PCDH11X: variants seen among roughly 807,000 people sequenced by gnomAD.
The protein encoded by PCDH11X is protocadherin-11 X-linked.
In PCDH11X, 18 loss-of-function variants were observed where a neutral mutation model predicts 53.3. The observed-to-expected ratio is 0.34, with a 90% confidence interval of 0.23 to 0.50. PCDH11X has a LOEUF of 0.50. Ranked by LOEUF, PCDH11X falls within the 20% of genes least tolerant of loss-of-function variation. PCDH11X has a pLI of 0.98. For missense variants in PCDH11X, 570 were observed against 1,032.4 expected (o/e 0.55, Z 6.14); for synonymous variants, 279 against 393.3 (o/e 0.71, Z 3.44).
chrX:92,562,717 C>G (rs2075150283), intron 10 of PCDH11X, among the ~76,000 whole-genome samples: 1 of 110,430 alleles, frequency 9.1e-6, no homozygotes, highest in African/African-American at 3.3e-5. Context: ...AATCATCACT[C>G]TCAAGTTCAA....
At chrX:91,851,568 A>T (rs1938013661) in intron 5 of PCDH11X, among the ~76,000 whole-genome samples, 3 of 111,399 alleles carry the variant, frequency 2.7e-5, no homozygotes, top group Admixed American at 9.6e-5. Context: ...ATCAGGGTAA[A>T]TGGGGTGTCC....
intron 9 of PCDH11X, among the ~76,000 whole-genome samples, chrX:92,443,174 A>G (rs1291554036): frequency 3.6e-5 from 4 of 110,669 alleles, no homozygotes; most frequent in African/African-American, 1.3e-4. Context: ...GATTAGTGAT[A>G]TGGAGCATTT....
At chrX:92,364,808 C>T (rs1043902814) in intron 8 of PCDH11X, among the ~76,000 whole-genome samples, 51 of 98,279 alleles carry the variant, frequency 5.2e-4, no homozygotes, top group African/African-American at 1.2e-3. Flanking sequence ...GAGGCTGAGA[C>T]GGGGATTCCT....
chrX:92,313,609 A>G (rs771017104), intron 8 of PCDH11X, among the ~76,000 whole-genome samples: 51 of 108,815 alleles, frequency 4.7e-4, no homozygotes, highest in African/African-American at 1.7e-3. Flanking sequence ...AATGATGGAG[A>G]TACTTTCTGA....
chrX:92,202,380 T>C (rs1287112002), intron 7 of PCDH11X, among the ~76,000 whole-genome samples: 1 of 111,290 alleles, frequency 9.0e-6, no homozygotes, highest in African/African-American at 3.3e-5. Flanking sequence ...TGAGATCTTA[T>C]TGGGAAGCTG....
intron 10 of PCDH11X, among the ~76,000 whole-genome samples, chrX:92,523,146 A>G (rs6615417): frequency 3.6e-5 from 4 of 111,255 alleles, no homozygotes; most frequent in African/African-American, 1.3e-4. Flanking sequence ...GCGACAGGCA[A>G]TCCATTCTGT....
rs532142014 is a variant in PCDH11X at position 91,869,378 on chromosome X, TA to T, written c.541-7398del. On this transcript the variant is annotated intron_variant, in intron 5 of 10. Transcript: ENST00000682573. ...TATTTCAGTGAAAAAATCATTGAAC[TA>T]AAAACTAAGAGACTTGGCTTTCAAA... Among the ~76,000 whole-genome samples, 128 of 111,168 alleles carry T rather than the reference TA, an allele frequency of 1.2e-3. 3 individuals carry two copies. In the South Asian group the frequency reaches 0.048, roughly 42 times the overall value.
At chrX:92,141,526 G>A (rs1478969989) in intron 6 of PCDH11X, among the ~76,000 whole-genome samples, 2 of 111,798 alleles carry the variant, frequency 1.8e-5, no homozygotes, top group Non-Finnish European at 3.8e-5. Flanking sequence ...AAGCTCTTTC[G>A]CTTCCCCATT....
intron 9 of PCDH11X, among the ~76,000 whole-genome samples, chrX:92,439,845 T>C (rs1489105540): frequency 4.9e-5 from 5 of 101,193 alleles, no homozygotes; most frequent in African/African-American, 1.8e-4. Flanking sequence ...AAACAATCTT[T>C]GGAAGACTAA....
intron 10 of PCDH11X, among the ~76,000 whole-genome samples, chrX:92,570,235 C>T (rs908054285): frequency 4.5e-5 from 5 of 111,065 alleles, no homozygotes; most frequent in Admixed American, 9.7e-5. Context: ...AATATTTTGT[C>T]TACACAAGTG....
At chrX:92,165,914 T>C (rs1442209137) in intron 6 of PCDH11X, among the ~76,000 whole-genome samples, 1 of 111,147 alleles carries the variant, frequency 9.0e-6, no homozygotes, top group Non-Finnish European at 1.9e-5. Flanking sequence ...AAAGGGAATT[T>C]GGCTAAAAAA....
intron 9 of PCDH11X, among the ~76,000 whole-genome samples, chrX:92,436,062 G>A (rs1019183459): frequency 8.1e-5 from 9 of 110,659 alleles, no homozygotes; most frequent in African/African-American, 2.6e-4. Flanking sequence ...ATTATTTTTT[G>A]CAAACTGTGC....
intron 6 of PCDH11X, among the ~76,000 whole-genome samples, chrX:92,125,955 C>T (rs1047997977): frequency 1.8e-5 from 2 of 108,707 alleles, no homozygotes; most frequent in African/African-American, 6.7e-5. Flanking sequence ...GGTGAAACCT[C>T]GTCTCTACTA....
intron 7 of PCDH11X, among the ~76,000 whole-genome samples, chrX:92,236,740 C>T (rs1459759810): frequency 9.0e-6 from 1 of 111,301 alleles, no homozygotes; most frequent in Non-Finnish European, 1.9e-5. Flanking sequence ...AAAATATTTT[C>T]TGTTTATTTT....
chrX:92,248,192 A>G (rs768195695), intron 7 of PCDH11X, among the ~76,000 whole-genome samples: 226 of 111,399 alleles, frequency 2.0e-3, no homozygotes, highest in African/African-American at 7.3e-3. Context: ...CACCTAGGAA[A>G]TAAACAAGAG....
intron 6 of PCDH11X, among the ~76,000 whole-genome samples, chrX:92,136,428 G>C (rs2476037): frequency 1.3e-5 from 1 of 74,745 alleles, no homozygotes; most frequent in Non-Finnish European, 3.0e-5. Flanking sequence ...TTCTTTTTAG[G>C]TACCTCAGGA....
intron 7 of PCDH11X, among the ~76,000 whole-genome samples, chrX:92,246,418 T>A (rs113185235): frequency 3.0e-4 from 33 of 111,538 alleles, no homozygotes; most frequent in African/African-American, 1.1e-3. Context: ...AGTGGCACAA[T>A]CTCGGCCCGC....
intron 5 of PCDH11X, among the ~76,000 whole-genome samples, chrX:91,836,467 T>C (rs1346657794): frequency 9.3e-6 from 1 of 107,261 alleles, no homozygotes; most frequent in Non-Finnish European, 1.9e-5. Flanking sequence ...TATCTTGCCA[T>C]TTGATATGGT....
chrX:91,808,725 C>G (rs1307664381), intron 1 of PCDH11X, among the ~76,000 whole-genome samples: 2 of 109,700 alleles, frequency 1.8e-5, no homozygotes, highest in African/African-American at 3.3e-5. Flanking sequence ...TTTAGGTTAT[C>G]TGGCACTGCC....
Sources: gnomAD v4.1 joint callset for allele counts (sites outside exome capture counted in the v4.1 genomes callset) on GRCh38, gnomAD v4.1.1 for gene constraint, MANE v1.5 for transcripts, NCBI Gene and HGNC (gene_info 2026-07-23, HGNC 2026-07-21) for gene names.